GRID2: variants seen among roughly 807,000 people sequenced by gnomAD.
GRID2 encodes the protein glutamate receptor ionotropic, delta-2.
A neutral mutation model predicts 114.8 loss-of-function variants in GRID2; 33 were observed. The observed-to-expected ratio is 0.29, with a 90% CI of 0.22 to 0.38. The LOEUF (loss-of-function observed/expected upper bound fraction) is 0.38, where lower values mean the gene tolerates loss of function less well. GRID2 is among the 10% of genes least tolerant of loss of function. The probability of loss-of-function intolerance (pLI) is 1.00; values close to 1 mark genes in which losing one functional copy is unlikely to be tolerated. For missense variants in GRID2, 1,184 were observed against 1,257.7 expected (o/e 0.94, Z 0.89); for synonymous variants, 505 against 449.9 (o/e 1.12, Z -1.55).
chr4:92,905,372 AAATAT>A lies in GRID2; in HGVS notation c.245-179618_245-179614del, dbSNP rs1353129027. 8.7e-4 allele frequency among the ~76,000 whole-genome samples: 131 copies of A among 149,826 alleles called. 1 individual carries two copies. The highest frequency in any genetic ancestry group is 2.8e-4 in the Non-Finnish European group (19 of 67,338). On this transcript the variant is annotated intron_variant, in intron 2 of 15. Coordinates refer to ENST00000282020, the MANE Select transcript of GRID2 (RefSeq NM_001510.4). ...AAAATCAACATGACTCTAATTTATA[AAATAT>A]AATAACGTTAAAATTTTCATATGAT...
At chr4:92,897,000 C>A (rs1299309255) in intron 2 of GRID2, among the ~76,000 whole-genome samples, 2 of 151,994 alleles carry the variant, frequency 1.3e-5, no homozygotes, top group Non-Finnish European at 2.9e-5. Context: ...CCTCGGTCTC[C>A]CAAAGTGCTG....
chr4:92,532,934 G>C (rs1375055094), intron 1 of GRID2, among the ~76,000 whole-genome samples: 1 of 151,934 alleles, frequency 6.6e-6, no homozygotes, highest in Non-Finnish European at 1.5e-5. Context: ...AATAAAATTA[G>C]GTAGGTGTGG....
intron 2 of GRID2, among the ~76,000 whole-genome samples, chr4:92,960,783 C>T (rs780890671): frequency 1.1e-4 from 17 of 151,638 alleles, no homozygotes; most frequent in Non-Finnish European, 1.2e-4. Context: ...TGACTATCTT[C>T]TATTTGTTGC....
intron 8 of GRID2, among the ~76,000 whole-genome samples, chr4:93,317,547 C>T (rs564110902): frequency 2.2e-4 from 33 of 152,170 alleles, no homozygotes; most frequent in African/African-American, 7.9e-4. Context: ...TCTAATAATA[C>T]TGAAATTTGG....
intron 13 of GRID2, among the ~76,000 whole-genome samples, chr4:93,606,405 A>T (rs2149651967): frequency 6.6e-6 from 1 of 152,350 alleles, no homozygotes; most frequent in South Asian, 2.1e-4. Flanking sequence ...AGTATGAGAA[A>T]TGAGAACAAA....
At chr4:93,376,495 T>C (rs1373320289) in intron 8 of GRID2, among the ~76,000 whole-genome samples, 1 of 151,674 alleles carries the variant, frequency 6.6e-6, no homozygotes, top group Non-Finnish European at 1.5e-5. Context: ...CAAATGAAGA[T>C]AGATGAATGG....
At chr4:93,604,274 T>G (rs1380543864) in intron 13 of GRID2, among the ~76,000 whole-genome samples, 1 of 152,176 alleles carries the variant, frequency 6.6e-6, no homozygotes, top group East Asian at 1.9e-4. Flanking sequence ...GCTTAACACT[T>G]TAGTAGAGGA....
At chr4:92,404,400 G>A (rs900210987) in intron 1 of GRID2, among the ~76,000 whole-genome samples, 9 of 152,142 alleles carry the variant, frequency 5.9e-5, no homozygotes, top group Admixed American at 5.2e-4. Flanking sequence ...TGCTGGCAAG[G>A]CTGTGGAGAA....
chr4:93,409,431 A>G (rs1766880973), intron 9 of GRID2, among the ~76,000 whole-genome samples: 1 of 152,172 alleles, frequency 6.6e-6, no homozygotes, highest in South Asian at 2.1e-4. Context: ...GTCAGATCAG[A>G]TTTCAAATAT....
intron 1 of GRID2, among the ~76,000 whole-genome samples, chr4:92,532,754 T>C (rs539458342): frequency 1.3e-5 from 2 of 152,234 alleles, no homozygotes; most frequent in Admixed American, 1.3e-4. Flanking sequence ...TTTCATGATG[T>C]CTAGGGTATT....
chr4:93,496,120 T>TAAAA (rs34078987), intron 12 of GRID2, among the ~76,000 whole-genome samples: 1 of 141,750 alleles, frequency 7.1e-6, no homozygotes, highest in African/African-American at 2.6e-5. Context: ...TTCCTGATTG[T>TAAAA]AAAAAAAAAA....
intron 8 of GRID2, among the ~76,000 whole-genome samples, chr4:93,257,551 C>G (rs542626448): frequency 3.8e-4 from 58 of 151,676 alleles, no homozygotes; most frequent in Non-Finnish European, 6.5e-4. Flanking sequence ...ACATTTAAGC[C>G]TACAAGTAAT....
intron 2 of GRID2, among the ~76,000 whole-genome samples, chr4:92,903,561 C>A (rs1222850346): frequency 6.6e-6 from 1 of 151,856 alleles, no homozygotes; most frequent in Non-Finnish European, 1.5e-5. Flanking sequence ...GCCTTAAAAA[C>A]CATGAATAAT....
Position 93,689,977 on chromosome 4 carries a change from A to C in GRID2, c.2360+63542A>C, listed in dbSNP as rs151334957. On this transcript the variant is annotated intron_variant, in intron 14 of 15. Coordinates refer to ENST00000282020, the MANE Select transcript of GRID2 (RefSeq NM_001510.4). ...AATATCCTATCACCCAAAGATAACT[A>C]ATAACATTTGAATTTATTTTATTCT... Among the ~76,000 whole-genome samples, 56 of 152,216 alleles carry C rather than the reference A, an allele frequency of 3.7e-4. No individual in the cohort carries two copies. In the East Asian group the frequency reaches 0.011, roughly 29 times the overall value.
intron 10 of GRID2, among the ~76,000 whole-genome samples, chr4:93,441,155 C>T (rs927690706): frequency 1.3e-5 from 2 of 151,970 alleles, no homozygotes; most frequent in African/African-American, 4.8e-5. Flanking sequence ...CCATTTGTTA[C>T]CTAGAATTTC....
chr4:92,730,199 C>T (rs1736267669), intron 2 of GRID2, among the ~76,000 whole-genome samples: 1 of 151,838 alleles, frequency 6.6e-6, no homozygotes, highest in Non-Finnish European at 1.5e-5. Flanking sequence ...TACTCCTCAA[C>T]AATGTTTGCA....
chr4:93,131,792 G>T (rs986312381), intron 4 of GRID2, among the ~76,000 whole-genome samples: 1 of 152,038 alleles, frequency 6.6e-6, no homozygotes, highest in Admixed American at 6.5e-5. Context: ...GTTCTTACAA[G>T]ATATAAAATT....
intron 2 of GRID2, among the ~76,000 whole-genome samples, chr4:92,650,394 T>G (rs1370087517): frequency 6.6e-6 from 1 of 152,044 alleles, no homozygotes; most frequent in African/African-American, 2.4e-5. Flanking sequence ...TAGTTTGGGT[T>G]GTTGTAGTTT....
At chr4:92,972,482 G>T (rs1014646515) in intron 2 of GRID2, among the ~76,000 whole-genome samples, 1 of 151,776 alleles carries the variant, frequency 6.6e-6, no homozygotes, top group Non-Finnish European at 1.5e-5. Flanking sequence ...AACACAATTT[G>T]GTGCTCTTTT....
Sources: gnomAD v4.1 joint callset for allele counts (sites outside exome capture counted in the v4.1 genomes callset) on GRCh38, gnomAD v4.1.1 for gene constraint, MANE v1.5 for transcripts, NCBI Gene and HGNC (gene_info 2026-07-23, HGNC 2026-07-21) for gene names.